The following DNER variants were observed in gnomAD, a reference collection of about 807,000 sequenced individuals.
DNER encodes the protein delta and Notch-like epidermal growth factor-related receptor.
In DNER, 33 loss-of-function variants were observed where a neutral mutation model predicts 78.2. That is an observed-to-expected ratio of 0.42 (90% CI 0.32 to 0.56). The LOEUF (loss-of-function observed/expected upper bound fraction) is 0.56. Ranked by LOEUF, DNER falls within the 20% of genes least tolerant of loss-of-function variation. DNER has a pLI of 0.11. For missense variants in DNER, 918 were observed against 975.3 expected (o/e 0.94, Z 0.78); for synonymous variants, 417 against 384.8 (o/e 1.08, Z -0.98).
intron 5 of DNER, among the ~76,000 whole-genome samples, chr2:229,513,496 C>T (rs919218420): frequency 1.3e-5 from 2 of 152,294 alleles, no homozygotes; most frequent in Admixed American, 6.5e-5. Flanking sequence ...CATTTTGTAT[C>T]GCTTATGATA....
chr2:229,395,667 G>A (rs1156579359), intron 10 of DNER, among the ~76,000 whole-genome samples: 1 of 152,210 alleles, frequency 6.6e-6, no homozygotes, highest in African/African-American at 2.4e-5. Context: ...GGGAGGCTGA[G>A]GAGGGCGGAT....
chr2:229,692,825 G>A (rs1699601680), intron 1 of DNER, among the ~76,000 whole-genome samples: 1 of 151,902 alleles, frequency 6.6e-6, no homozygotes, highest in Non-Finnish European at 1.5e-5. Flanking sequence ...CTTTTATAAA[G>A]TATTTTTCTT....
At position 229,671,612 on chromosome 2, in the gene DNER, G is replaced by A. The variant is rs78034444; in HGVS notation, c.276+42536C>T. On this transcript the variant is annotated intron_variant, in intron 1 of 12. Coordinates refer to ENST00000341772, the MANE Select transcript of DNER (RefSeq NM_139072.4). ...TCCTATGCCCACCACAAAGCACAGT[G>A]TCCACAACATATTGGTGCTCCATAA... 8.9e-4 allele frequency among the ~76,000 whole-genome samples: 135 copies of A among 152,288 alleles called. No individual in the cohort carries two copies. The East Asian group carries it at 0.023, about 26-fold the overall frequency.
intron 8 of DNER, among the ~76,000 whole-genome samples, chr2:229,436,771 C>T (rs1694128996): frequency 6.6e-6 from 1 of 152,154 alleles, no homozygotes; most frequent in African/African-American, 2.4e-5. Context: ...ACCACCAGAC[C>T]TGCTTTACAA....
chr2:229,471,191 T>C lies in DNER; in HGVS notation c.1261+5949A>G, dbSNP rs139584175. ...AACTATATCACCCTTAAATCCTGAC[T>C]GGGTAACATACCCAGTTTTTAAACA... On this transcript the variant is annotated intron_variant, in intron 7 of 12. Transcript: ENST00000341772. Among the ~76,000 whole-genome samples the C allele has an allele frequency of 1.6e-3, 246 of 152,236 alleles. 2 individuals carry two copies. Among genetic ancestry groups the C allele is most frequent in the East Asian group, 2.9e-3 (15 of 5,172 alleles).
intron 4 of DNER, among the ~76,000 whole-genome samples, chr2:229,554,673 A>C (rs910486222): frequency 6.6e-6 from 1 of 152,034 alleles, no homozygotes; most frequent in Non-Finnish European, 1.5e-5. Flanking sequence ...TGGGTGACGG[A>C]GTAAGGCTCT....
chr2:229,609,162 G>T (rs532032525), intron 1 of DNER, among the ~76,000 whole-genome samples: 26 of 152,356 alleles, frequency 1.7e-4, no homozygotes, highest in Non-Finnish European at 2.8e-4. Flanking sequence ...GGCAGAGGTT[G>T]CAGTGAGCTA....
intron 7 of DNER, among the ~76,000 whole-genome samples, chr2:229,474,294 G>A (rs757536216): frequency 5.3e-5 from 8 of 152,184 alleles, no homozygotes; most frequent in Admixed American, 1.3e-4. Flanking sequence ...TAGGCCAGTG[G>A]GAGAGGCAGC....
chr2:229,382,421 C>T (rs772334829), intron 11 of DNER, among the ~76,000 whole-genome samples: 5 of 151,996 alleles, frequency 3.3e-5, no homozygotes, highest in African/African-American at 4.8e-5. Context: ...ATGAGTTTGA[C>T]GAATTGACAG....
intron 5 of DNER, among the ~76,000 whole-genome samples, chr2:229,522,720 C>T (rs935395024): frequency 2.6e-5 from 4 of 152,268 alleles, no homozygotes; most frequent in Non-Finnish European, 5.9e-5. Flanking sequence ...CAAGTTACCT[C>T]GGATGGGAGC....
chr2:229,389,639 A>C (rs1312998158), intron 10 of DNER, among the ~76,000 whole-genome samples: 2 of 152,172 alleles, frequency 1.3e-5, no homozygotes, highest in Non-Finnish European at 2.9e-5. Flanking sequence ...TCATTTAATT[A>C]GCATTAAATT....
At chr2:229,375,003 T>C (rs149012657) in intron 11 of DNER, among the ~76,000 whole-genome samples, 1,944 of 152,314 alleles carry the variant, frequency 0.013, 34 homozygotes, top group Non-Finnish European at 0.013. Flanking sequence ...AGAGAGGCAA[T>C]GGAATGTTCC....
intron 4 of DNER, among the ~76,000 whole-genome samples, chr2:229,559,251 C>T (rs935017645): frequency 6.6e-6 from 1 of 151,994 alleles, no homozygotes. Context: ...ATTTCAGTTT[C>T]GGACTCATCT....
At chr2:229,409,360 G>T (rs1161936587) in intron 9 of DNER, among the ~76,000 whole-genome samples, 1 of 152,178 alleles carries the variant, frequency 6.6e-6, no homozygotes. Context: ...AAAGTTCAGA[G>T]GTGCCTGAAG....
chr2:229,428,169 AC>A (rs1693924923), intron 8 of DNER, among the ~76,000 whole-genome samples: 1 of 151,340 alleles, frequency 6.6e-6, no homozygotes. Context: ...GTGGGGGGAT[AC>A]AAAATCAGAT....
In DNER at chr2:229,512,832, A is replaced by G. The variant is rs1330088537; in HGVS notation, c.1098T>C (p.Asp366=). The change falls in exon 6 of 13, where the codon GAT becomes GAC. Residue 366 remains aspartate (D), a synonymous_variant. Coordinates refer to ENST00000341772, the MANE Select transcript of DNER (RefSeq NM_139072.4). ...TGCTCCCATCTTGCTTTTCATTTGC[A>G]TCAATACAGCTCGCGTTGTTTTGGC... ...KPCQNNASCI[D]ANEKQDGSNF... 3 of 1,614,214 alleles carry G rather than the reference A, an allele frequency of 1.9e-6. No individual in the cohort carries two copies. Among genetic ancestry groups the G allele is most frequent in the Non-Finnish European group, 1.7e-6 (2 of 1,180,026 alleles).
intron 10 of DNER, 36 bp downstream of exon 10, chr2:229,407,196 G>A (rs367985240): frequency 1.3e-6 from 2 of 1,569,982 alleles, no homozygotes; most frequent in Admixed American, 3.5e-5. Flanking sequence ...GGCACTTTGT[G>A]GTAAATTTGA....
intron 1 of DNER, among the ~76,000 whole-genome samples, chr2:229,685,800 C>T (rs1396978112): frequency 4.6e-5 from 7 of 152,130 alleles, no homozygotes; most frequent in African/African-American, 1.7e-4. Flanking sequence ...GTGCCTGTCA[C>T]GGTGTGGACA....
intron 6 of DNER, among the ~76,000 whole-genome samples, chr2:229,505,258 AAGAG>A (rs146926778): frequency 6.7e-6 from 1 of 150,140 alleles, no homozygotes; most frequent in African/African-American, 2.4e-5. Context: ...GCTAAGCTAA[AAGAG>A]AGAGAGAGAA....
Sources: allele counts gnomAD v4.1 joint callset (sites outside exome capture counted in the v4.1 genomes callset), GRCh38; gene constraint gnomAD v4.1.1; transcripts MANE v1.5; gene names NCBI Gene and HGNC (gene_info 2026-07-23, HGNC 2026-07-21).